GNAI1: variants seen among roughly 807,000 people sequenced by gnomAD.
GNAI1 encodes the protein guanine nucleotide-binding protein G(i) subunit alpha-1.
GNAI1 carries 11 observed loss-of-function variants against 38.9 expected under a neutral mutation model. That is an observed-to-expected ratio of 0.28 (90% confidence interval 0.18 to 0.47). GNAI1 has a LOEUF of 0.47. Among genes scored for constraint, GNAI1 ranks in the 20% least tolerant of loss-of-function variants. The pLI, the probability that GNAI1 is intolerant of heterozygous loss-of-function variation, is 0.99. For missense variants in GNAI1, 317 were observed against 436.9 expected (o/e 0.73, Z 2.45); for synonymous variants, 166 against 145.1 (o/e 1.14, Z -1.04).
intron 1 of GNAI1, 69 bp downstream of exon 1, chr7:80,135,347 G>A (rs898260473): frequency 2.1e-6 from 2 of 947,584 alleles, no homozygotes; most frequent in Non-Finnish European, 2.9e-6. Flanking sequence ...GGCCCTCGGC[G>A]TTTGGAAACC....
chr7:80,137,360 G>A (rs1246578824), intron 1 of GNAI1, among the ~76,000 whole-genome samples: 2 of 109,906 alleles, frequency 1.8e-5, no homozygotes, highest in Admixed American at 2.9e-4. Context: ...TTGCGCAGTC[G>A]CCCAGGCTGG....
chr7:80,183,074 G>A (rs1393889448), intron 1 of GNAI1, among the ~76,000 whole-genome samples: 1 of 152,140 alleles, frequency 6.6e-6, no homozygotes, highest in Non-Finnish European at 1.5e-5. Context: ...TGGCTCCCAG[G>A]TCCTTGAGAA....
intron 5 of GNAI1, among the ~76,000 whole-genome samples, chr7:80,209,732 T>G (rs1788841711): frequency 1.3e-5 from 2 of 152,194 alleles, no homozygotes; most frequent in African/African-American, 4.8e-5. Context: ...TAAAGTTATT[T>G]TCAAATTGTG....
chr7:80,202,250 C>T (rs1788700844), intron 4 of GNAI1, among the ~76,000 whole-genome samples: 1 of 151,930 alleles, frequency 6.6e-6, no homozygotes, highest in Admixed American at 6.6e-5. Context: ...TCACCACGTC[C>T]AGCTGATTTT....
intron 7 of GNAI1, among the ~76,000 whole-genome samples, chr7:80,213,421 G>A (rs1250215935): frequency 6.6e-6 from 1 of 152,212 alleles, no homozygotes; most frequent in African/African-American, 2.4e-5. Context: ...ATTCCCTGGA[G>A]TGAGGAAAGT....
At chr7:80,196,598 G>A (rs559933498) in intron 3 of GNAI1, among the ~76,000 whole-genome samples, 25 of 151,936 alleles carry the variant, frequency 1.6e-4, no homozygotes, top group African/African-American at 6.0e-4. Context: ...TTGTATGATT[G>A]GGTGACTAGC....
intron 1 of GNAI1, among the ~76,000 whole-genome samples, chr7:80,166,134 A>C (rs985187603): frequency 6.6e-6 from 1 of 152,192 alleles, no homozygotes; most frequent in African/African-American, 2.4e-5. Context: ...AAGAGCTATA[A>C]AGATTATTAT....
At chr7:80,201,860 T>A (rs1221745910) in intron 4 of GNAI1, among the ~76,000 whole-genome samples, 2 of 152,202 alleles carry the variant, frequency 1.3e-5, no homozygotes, top group Admixed American at 6.5e-5. Context: ...TAGAAACATT[T>A]TTCTCCATAG....
intron 1 of GNAI1, among the ~76,000 whole-genome samples, chr7:80,183,416 A>G (rs1788331979): frequency 6.6e-6 from 1 of 152,174 alleles, no homozygotes. Context: ...GTTTAGTTTT[A>G]TTCAGTGTTA....
chr7:80,141,129 C>T (rs1435696992), intron 1 of GNAI1, among the ~76,000 whole-genome samples: 2 of 152,206 alleles, frequency 1.3e-5, no homozygotes, highest in Admixed American at 1.3e-4. Context: ...TGTGAGGTGA[C>T]ATATTCACAG....
At chr7:80,182,757 C>G (rs993241610) in intron 1 of GNAI1, among the ~76,000 whole-genome samples, 1 of 152,116 alleles carries the variant, frequency 6.6e-6, no homozygotes, top group Admixed American at 6.5e-5. Flanking sequence ...GACCCTCACC[C>G]CTTTATACAT....
At chr7:80,175,314 A>G (rs1381029190) in intron 1 of GNAI1, among the ~76,000 whole-genome samples, 4 of 152,074 alleles carry the variant, frequency 2.6e-5, no homozygotes, top group African/African-American at 9.7e-5. Flanking sequence ...TTCTGAGGAG[A>G]TTATGAGTAA....
intron 1 of GNAI1, among the ~76,000 whole-genome samples, chr7:80,138,064 C>T (rs537844603): frequency 1.3e-5 from 2 of 152,130 alleles, no homozygotes; most frequent in Non-Finnish European, 2.9e-5. Flanking sequence ...TTCTAGGTAA[C>T]GTATAACCAG....
chr7:80,187,651 G>A (rs1189748148), intron 1 of GNAI1, among the ~76,000 whole-genome samples: 1 of 152,132 alleles, frequency 6.6e-6, no homozygotes, highest in Non-Finnish European at 1.5e-5. Context: ...ATGGGAATAT[G>A]GAGCCTAAAA....
In GNAI1 at chr7:80,213,669, A is replaced by G. The variant is rs114090821; in HGVS notation, c.874+800A>G. On this transcript the variant is annotated intron_variant, in intron 7 of 7. Coordinates refer to ENST00000649796, the MANE Select transcript of GNAI1 (RefSeq NM_002069.6). ...CCACCACCTTATAACTTTTTCATTA[A>G]AGCAGAGTAACTCAGCTTTCATCTG... 4.0e-3 allele frequency among the ~76,000 whole-genome samples: 608 copies of G among 152,204 alleles called. 5 individuals carry two copies. The highest frequency in any genetic ancestry group is 0.014 in the African/African-American group (567 of 41,534).
chr7:80,190,003 A>G (rs1352164678), intron 3 of GNAI1, among the ~76,000 whole-genome samples: 1 of 151,624 alleles, frequency 6.6e-6, no homozygotes, highest in Non-Finnish European at 1.5e-5. Context: ...CAGATATATT[A>G]TTGTATTATT....
chr7:80,186,073 C>T (rs1263721530), intron 1 of GNAI1, among the ~76,000 whole-genome samples: 11 of 131,462 alleles, frequency 8.4e-5, no homozygotes, highest in Admixed American at 1.9e-4. Flanking sequence ...CACTCTGTTG[C>T]CCAGGCTGGA....
At chr7:80,215,899 C>T (rs1038343027) in intron 7 of GNAI1, among the ~76,000 whole-genome samples, 1 of 152,026 alleles carries the variant, frequency 6.6e-6, no homozygotes, top group African/African-American at 2.4e-5. Flanking sequence ...ACTACAGTAC[C>T]ACAGGTGGCA....
chr7:80,178,323 G>A (rs890822254), intron 1 of GNAI1, among the ~76,000 whole-genome samples: 1 of 152,214 alleles, frequency 6.6e-6, no homozygotes, highest in Non-Finnish European at 1.5e-5. Flanking sequence ...AGTTGATAAA[G>A]CAGTGGCAGG....
Sources: gnomAD v4.1 joint callset for allele counts (sites outside exome capture counted in the v4.1 genomes callset) on GRCh38, gnomAD v4.1.1 for gene constraint, MANE v1.5 for transcripts, NCBI Gene and HGNC (gene_info 2026-07-23, HGNC 2026-07-21) for gene names.